OPCML: variants seen among roughly 807,000 people sequenced by gnomAD.
OPCML encodes opioid-binding protein/cell adhesion molecule.
OPCML carries 13 observed loss-of-function variants against 37.8 expected under a neutral mutation model. The observed-to-expected ratio is 0.34, with a 90% CI of 0.22 to 0.55. The LOEUF (loss-of-function observed/expected upper bound fraction) is 0.55. Among genes scored for constraint, OPCML ranks in the 20% least tolerant of loss-of-function variants. OPCML has a pLI of 0.91. For synonymous variants in OPCML, 176 were observed against 168.8 expected (o/e 1.04, Z -0.33); for missense variants, 341 against 435.6 (o/e 0.78, Z 1.93).
intron 1 of OPCML, among the ~76,000 whole-genome samples, chr11:133,229,798 C>T (rs1343797930): frequency 6.6e-6 from 1 of 152,226 alleles, no homozygotes; most frequent in African/African-American, 2.4e-5. Flanking sequence ...CAAGACCGCA[C>T]TTTGTTTTCA....
chr11:133,028,784 C>T (rs2136919190), intron 1 of OPCML, among the ~76,000 whole-genome samples: 1 of 151,920 alleles, frequency 6.6e-6, no homozygotes, highest in South Asian at 2.1e-4. Context: ...AATACTCTTC[C>T]AGACATTGGC....
At chr11:133,469,055 G>A (rs1225704154) in intron 1 of OPCML, among the ~76,000 whole-genome samples, 2 of 152,136 alleles carry the variant, frequency 1.3e-5, no homozygotes, top group African/African-American at 2.4e-5. Context: ...GGCTTAGGCT[G>A]CACATTCTCT....
chr11:132,741,444 G>C (rs570227440), intron 2 of OPCML, among the ~76,000 whole-genome samples: 1 of 152,078 alleles, frequency 6.6e-6, no homozygotes, highest in African/African-American at 2.4e-5. Context: ...ACGTGGTGCA[G>C]GTCTGTGCTC....
At chr11:133,309,547 T>C (rs1348974530) in intron 1 of OPCML, among the ~76,000 whole-genome samples, 1 of 152,200 alleles carries the variant, frequency 6.6e-6, no homozygotes, top group Admixed American at 6.5e-5. Context: ...TTGAATCTTG[T>C]GACAGAAAAC....
intron 4 of OPCML, among the ~76,000 whole-genome samples, chr11:132,447,172 T>A (rs1454043812): frequency 1.3e-5 from 2 of 152,216 alleles, no homozygotes; most frequent in African/African-American, 4.8e-5. Context: ...GCGTCTGACT[T>A]GTTTTCCCTG....
Position 132,415,923 on chromosome 11 carries a change from C to T in OPCML, c.*4270G>A, listed in dbSNP as rs1276255170. On this transcript the variant is annotated 3_prime_UTR_variant, in exon 8 of 8. Transcript: ENST00000524381. ...ATTAGGCGTTCTCATCATATGGTCT[C>T]TTTTTGAAAATGTTGCCTTCCTACT... 3 of 152,574 alleles carry T rather than the reference C, an allele frequency of 2.0e-5. No homozygotes were observed. The highest frequency in any genetic ancestry group is 4.8e-5 in the African/African-American group (2 of 41,438). 9.5% of individuals were successfully genotyped at this position (152,574 alleles called of 1,614,324 possible).
At chr11:133,317,873 A>G (rs979623079) in intron 1 of OPCML, among the ~76,000 whole-genome samples, 5 of 152,238 alleles carry the variant, frequency 3.3e-5, no homozygotes, top group Non-Finnish European at 7.3e-5. Context: ...TCATGGTGAT[A>G]GACAGTTCTA....
At chr11:133,104,396 T>C (rs1949127675) in intron 1 of OPCML, among the ~76,000 whole-genome samples, 1 of 152,214 alleles carries the variant, frequency 6.6e-6, no homozygotes, top group African/African-American at 2.4e-5. Context: ...GTTTAGTTAC[T>C]GAGAGTAAAC....
In OPCML at chr11:132,751,030, A is replaced by G. The variant is rs188155160; in HGVS notation, c.147-93711T>C. ...TTCGGAGGATAGAAGATAAAATATT[A>G]TCAAGTGGTGTCTCTTCAAAATGTG... On this transcript the variant is annotated intron_variant, in intron 2 of 7. Coordinates refer to ENST00000524381, the MANE Select transcript of OPCML (RefSeq NM_001012393.5). Among the ~76,000 whole-genome samples the G allele has an allele frequency of 7.9e-5, 12 of 152,328 alleles. No individual in the cohort carries two copies. The East Asian group carries it at 1.5e-3, about 20-fold the overall frequency.
intron 2 of OPCML, among the ~76,000 whole-genome samples, chr11:132,714,029 C>A (rs777480244): frequency 1.3e-5 from 2 of 151,814 alleles, no homozygotes; most frequent in South Asian, 4.2e-4. Context: ...GATATTATTA[C>A]ATAAAAATTT....
At chr11:133,506,990 T>G (rs1948045820) in intron 1 of OPCML, among the ~76,000 whole-genome samples, 1 of 150,756 alleles carries the variant, frequency 6.6e-6, no homozygotes, top group Admixed American at 6.6e-5. Flanking sequence ...CTGACTGCTC[T>G]GATATATTTT....
At chr11:133,013,140 C>T (rs1947252763) in intron 1 of OPCML, among the ~76,000 whole-genome samples, 2 of 152,112 alleles carry the variant, frequency 1.3e-5, no homozygotes, top group Non-Finnish European at 2.9e-5. Flanking sequence ...ACCATTTTTC[C>T]GGTGGAGCCC....
intron 1 of OPCML, among the ~76,000 whole-genome samples, chr11:133,037,719 G>A (rs2136937811): frequency 6.6e-6 from 1 of 152,318 alleles, no homozygotes; most frequent in East Asian, 1.9e-4. Flanking sequence ...CGTTGGCAAG[G>A]TCACTGTTAC....
chr11:132,584,217 G>A (rs558438715), intron 3 of OPCML, among the ~76,000 whole-genome samples: 5 of 152,162 alleles, frequency 3.3e-5, no homozygotes, highest in African/African-American at 9.6e-5. Context: ...GAGGTAGGAG[G>A]AGCAAAGATA....
chr11:132,693,414 C>T (rs1376898034), intron 2 of OPCML, among the ~76,000 whole-genome samples: 2 of 152,128 alleles, frequency 1.3e-5, no homozygotes, highest in Admixed American at 1.3e-4. Flanking sequence ...TCCACTGGGG[C>T]CCTAAGTGAT....
chr11:132,447,461 T>C (rs2096058376), intron 4 of OPCML, among the ~76,000 whole-genome samples: 2 of 140,678 alleles, frequency 1.4e-5, no homozygotes, highest in South Asian at 2.3e-4. Context: ...CCATGCCCAG[T>C]TAATTTTTTT....
intron 1 of OPCML, among the ~76,000 whole-genome samples, chr11:133,029,546 AGAAT>A (rs1475284821): frequency 6.6e-6 from 1 of 152,254 alleles, no homozygotes; most frequent in Non-Finnish European, 1.5e-5. Flanking sequence ...GCCATAAAAA[AGAAT>A]GAAATTATGT....
chr11:133,052,306 A>G (rs1463171821), intron 1 of OPCML, among the ~76,000 whole-genome samples: 1 of 152,246 alleles, frequency 6.6e-6, no homozygotes. Flanking sequence ...GACCAGCATT[A>G]TAGAATAATC....
chr11:133,253,539 A>C (rs1941211885), intron 1 of OPCML, among the ~76,000 whole-genome samples: 2 of 152,120 alleles, frequency 1.3e-5, no homozygotes, highest in African/African-American at 4.8e-5. Context: ...CAAACTCTTG[A>C]TCTCAAGTGA....
Sources: gnomAD v4.1 joint callset for allele counts (sites outside exome capture counted in the v4.1 genomes callset) on GRCh38, gnomAD v4.1.1 for gene constraint, MANE v1.5 for transcripts, NCBI Gene and HGNC (gene_info 2026-07-23, HGNC 2026-07-21) for gene names.